The following SORCS3 variants were observed in gnomAD, a reference collection of about 807,000 sequenced individuals.
SORCS3 encodes the protein sortilin related VPS10 domain containing receptor 3, also known as VPS10 domain-containing receptor SorCS3.
A neutral mutation model predicts 146.3 loss-of-function variants in SORCS3; 57 were observed. The observed-to-expected ratio is 0.39, with a 90% CI of 0.31 to 0.49. SORCS3 has a LOEUF of 0.49. Ranked by LOEUF, SORCS3 falls within the 20% of genes least tolerant of loss-of-function variation. The pLI, the probability that SORCS3 is intolerant of heterozygous loss-of-function variation, is 0.92. For synonymous variants in SORCS3, 653 were observed against 618.5 expected, an observed-to-expected ratio of 1.06 and a Z score of -0.83; for missense variants, 1,341 against 1,575.5, an observed-to-expected ratio of 0.85 and a Z score of 2.52.
intron 1 of SORCS3, among the ~76,000 whole-genome samples, chr10:104,730,862 A>G (rs537948973): frequency 3.5e-4 from 53 of 152,320 alleles, no homozygotes; most frequent in African/African-American, 1.2e-3. Flanking sequence ...AACCAACCCC[A>G]TGATTCCATT....
At chr10:104,777,923 C>G (rs553388406) in intron 1 of SORCS3, among the ~76,000 whole-genome samples, 80 of 152,114 alleles carry the variant, frequency 5.3e-4, no homozygotes, top group African/African-American at 1.8e-3. Flanking sequence ...GAGATTATAT[C>G]TCATAGAGGT....
chr10:104,924,413 C>T (rs539990930), intron 3 of SORCS3, among the ~76,000 whole-genome samples: 36 of 152,316 alleles, frequency 2.4e-4, no homozygotes, highest in African/African-American at 3.4e-4. Context: ...CATTCCACGT[C>T]GGTCCTGCTG....
chr10:105,096,103 TAC>T (rs60438282), intron 6 of SORCS3, among the ~76,000 whole-genome samples: 3,375 of 144,708 alleles, frequency 0.023, 58 homozygotes, highest in African/African-American at 0.052. Flanking sequence ...ACCTCACAAA[TAC>T]ACACACACAC....
intron 22 of SORCS3, among the ~76,000 whole-genome samples, chr10:105,247,736 A>T (rs1469702939): frequency 1.6e-5 from 2 of 125,838 alleles, no homozygotes; most frequent in Admixed American, 1.8e-4. Flanking sequence ...TGACAGAGCA[A>T]GATTCTGTCA....
intron 1 of SORCS3, among the ~76,000 whole-genome samples, chr10:104,765,436 T>C (rs148462550): frequency 2.6e-5 from 4 of 152,340 alleles, no homozygotes; most frequent in African/African-American, 7.2e-5. Flanking sequence ...TCTCCTTATC[T>C]GTAAAATGGG....
chr10:105,075,930 C>T (rs790738), intron 5 of SORCS3, among the ~76,000 whole-genome samples: 104,787 of 152,072 alleles, frequency 0.69, 36,324 homozygotes, highest in East Asian at 0.84. Context: ...GTCTTTATAC[C>T]AGTCCAGTGC....
chr10:104,892,074 G>A (rs550041849), intron 2 of SORCS3, among the ~76,000 whole-genome samples: 2 of 152,298 alleles, frequency 1.3e-5, no homozygotes, highest in African/African-American at 4.8e-5. Flanking sequence ...CTCATTTTAA[G>A]TTTTACAACT....
chr10:105,057,902 A>G (rs1223300619), intron 5 of SORCS3, among the ~76,000 whole-genome samples: 1 of 152,188 alleles, frequency 6.6e-6, no homozygotes, highest in Non-Finnish European at 1.5e-5. Context: ...GGAATCCTGA[A>G]ATCTTTCCAA....
At chr10:104,848,387 C>T (rs895320552) in intron 2 of SORCS3, among the ~76,000 whole-genome samples, 1 of 152,014 alleles carries the variant, frequency 6.6e-6, no homozygotes, top group Non-Finnish European at 1.5e-5. Context: ...GCCAAGAAAA[C>T]CCTGATAATA....
chr10:104,959,827 G>T lies in SORCS3; in HGVS notation c.796-17508G>T, dbSNP rs544353382. On this transcript the variant is annotated intron_variant, in intron 3 of 26. Coordinates refer to ENST00000369701, the MANE Select transcript of SORCS3 (RefSeq NM_014978.3). ...TGCTTTGAACATCTGCCAACTCCTT[G>T]CACAGCCTGACTACTTATTGTTTTC... 2.4e-4 allele frequency among the ~76,000 whole-genome samples: 36 copies of T among 152,270 alleles called. No individual in the cohort carries two copies. The South Asian group carries it at 7.0e-3, about 30-fold the overall frequency.
chr10:104,721,816 C>T (rs1197057531), intron 1 of SORCS3, among the ~76,000 whole-genome samples: 1 of 152,076 alleles, frequency 6.6e-6, no homozygotes, highest in Non-Finnish European at 1.5e-5. Context: ...GTGATTTTTG[C>T]ACATTGATTT....
At chr10:105,091,928 G>A (rs142477471) in intron 6 of SORCS3, among the ~76,000 whole-genome samples, 1 of 152,200 alleles carries the variant, frequency 6.6e-6, no homozygotes, top group East Asian at 1.9e-4. Flanking sequence ...AACCTGTTTA[G>A]GCCATATTTG....
intron 1 of SORCS3, among the ~76,000 whole-genome samples, chr10:104,717,350 AAAAG>A (rs1280871319): frequency 6.6e-6 from 1 of 151,648 alleles, no homozygotes; most frequent in Non-Finnish European, 1.5e-5. Context: ...CAGTAAAACA[AAAAG>A]AAAGAGATGT....
intron 3 of SORCS3, among the ~76,000 whole-genome samples, chr10:104,951,410 A>G (rs1435693578): frequency 6.6e-6 from 1 of 152,096 alleles, no homozygotes; most frequent in African/African-American, 2.4e-5. Flanking sequence ...ATAGCTCACT[A>G]TAACCTCTAG....
chr10:105,038,299 A>G (rs1239273511), intron 4 of SORCS3, among the ~76,000 whole-genome samples: 3 of 152,246 alleles, frequency 2.0e-5, no homozygotes, highest in Non-Finnish European at 4.4e-5. Flanking sequence ...GTTGCATGAA[A>G]CATGTTGAGT....
Position 104,641,846 on chromosome 10 carries a change from T to TG in SORCS3, c.525dup (p.Ser176ValfsTer4). 2.5e-6 allele frequency: 4 copies of TG among 1,569,306 alleles called. No individual in the cohort carries two copies. Among genetic ancestry groups the TG allele is most frequent in the South Asian group, 1.2e-5 (1 of 85,676 alleles). On this transcript the variant is annotated frameshift_variant, in exon 1 of 27. Coordinates refer to ENST00000369701, the MANE Select transcript of SORCS3 (RefSeq NM_014978.3). LOFTEE classifies it high-confidence loss of function. The surrounding 1 kb of genome is among the most constrained non-coding windows in gnomAD (Gnocchi z 6.4). ...GGGAGGAGGTGAAGGCGCCGCGGGC[T>TG]GGGGGGTCGGCGGCTGAAGACCTCC... is the stretch of plus-strand genomic sequence containing the variant.
At chr10:104,668,667 A>C (rs148799793) in intron 1 of SORCS3, among the ~76,000 whole-genome samples, 15 of 152,334 alleles carry the variant, frequency 9.8e-5, no homozygotes, top group East Asian at 3.9e-4. Context: ...ATTTTCCCCC[A>C]AAATTATGCA....
At chr10:104,933,625 C>T (rs140955414) in intron 3 of SORCS3, among the ~76,000 whole-genome samples, 313 of 152,252 alleles carry the variant, frequency 2.1e-3, no homozygotes, top group Middle Eastern at 0.01. Context: ...CAACCACCAA[C>T]GCCTGCTGCA....
At chr10:105,187,449 C>T (rs920561329) in intron 14 of SORCS3, among the ~76,000 whole-genome samples, 7 of 152,186 alleles carry the variant, frequency 4.6e-5, no homozygotes, top group African/African-American at 1.4e-4. Flanking sequence ...GGAAAACAAT[C>T]AGGTGGCATG....
Sources: allele counts gnomAD v4.1 joint callset (sites outside exome capture counted in the v4.1 genomes callset), GRCh38; gene constraint gnomAD v4.1.1; non-coding constraint Gnocchi (gnomAD v3.1); transcripts MANE v1.5; gene names NCBI Gene and HGNC (gene_info 2026-07-23, HGNC 2026-07-21).